The following NTN4 variants were observed in gnomAD, a reference collection of about 807,000 sequenced individuals.
NTN4 encodes netrin 4, also known as netrin-4.
In NTN4, 32 loss-of-function variants were observed where a neutral mutation model predicts 73.6. That is an observed-to-expected ratio of 0.44 (90% CI 0.33 to 0.58). NTN4 has a LOEUF of 0.58. NTN4 is among the 20% of genes least tolerant of loss of function. NTN4 has a pLI of 0.04. For synonymous variants in NTN4, 258 were observed against 287.5 expected (o/e 0.90, Z 1.04); for missense variants, 654 against 798.3 (o/e 0.82, Z 2.18).
At chr12:95,720,710 T>C (rs188886352) in intron 3 of NTN4, among the ~76,000 whole-genome samples, 67 of 152,230 alleles carry the variant, frequency 4.4e-4, no homozygotes, top group African/African-American at 1.4e-3. Context: ...CTATAAGGGG[T>C]ATACAGGTTT....
intron 2 of NTN4, among the ~76,000 whole-genome samples, chr12:95,765,804 C>T (rs1346617359): frequency 1.3e-5 from 2 of 152,204 alleles, no homozygotes; most frequent in African/African-American, 4.8e-5. Flanking sequence ...TTATCTTAGT[C>T]TTTCTCACAT....
At chr12:95,734,069 CAAAAAAAAAA>C (rs34550049) in intron 3 of NTN4, among the ~76,000 whole-genome samples, 34 of 94,244 alleles carry the variant, frequency 3.6e-4, no homozygotes, top group African/African-American at 9.6e-4. Flanking sequence ...GACTCCATTT[CAAAAAAAAAA>C]AAAAAAAAAA....
At chr12:95,745,391 C>T (rs1280187232) in intron 2 of NTN4, among the ~76,000 whole-genome samples, 5 of 151,976 alleles carry the variant, frequency 3.3e-5, no homozygotes, top group East Asian at 1.9e-4. Flanking sequence ...TCTATTGCTA[C>T]GTATTAAACG....
intron 3 of NTN4, among the ~76,000 whole-genome samples, chr12:95,721,474 TA>T (rs1469209309): frequency 6.6e-6 from 1 of 152,204 alleles, no homozygotes; most frequent in East Asian, 1.9e-4. Context: ...TGATGCCTTC[TA>T]GGGGAATTTC....
intron 2 of NTN4, among the ~76,000 whole-genome samples, chr12:95,739,084 A>G (rs1380868976): frequency 6.6e-6 from 1 of 152,222 alleles, no homozygotes; most frequent in African/African-American, 2.4e-5. Flanking sequence ...GTCCAGACCA[A>G]AAACTTCATG....
chr12:95,785,546 T>C (rs1299364126), intron 2 of NTN4, among the ~76,000 whole-genome samples: 2 of 152,220 alleles, frequency 1.3e-5, no homozygotes, highest in Non-Finnish European at 2.9e-5. Flanking sequence ...CTATTCTTGC[T>C]GGTCTCTTCA....
At chr12:95,782,904 C>T (rs1379296850) in intron 2 of NTN4, among the ~76,000 whole-genome samples, 3 of 152,170 alleles carry the variant, frequency 2.0e-5, no homozygotes, top group East Asian at 1.9e-4. Context: ...CAGTGATCAT[C>T]GCAATTCCAG....
chr12:95,704,281 CTTG>C (rs1262793695), intron 5 of NTN4, among the ~76,000 whole-genome samples: 4 of 152,080 alleles, frequency 2.6e-5, no homozygotes, highest in African/African-American at 7.2e-5. Context: ...TAACATTGTA[CTTG>C]TTGTTGATGG....
intron 4 of NTN4, among the ~76,000 whole-genome samples, chr12:95,711,485 T>C (rs1448017257): frequency 6.6e-6 from 1 of 152,216 alleles, no homozygotes; most frequent in South Asian, 2.1e-4. Flanking sequence ...AGCATTCATA[T>C]TGCAGATGTA....
intron 2 of NTN4, among the ~76,000 whole-genome samples, chr12:95,782,829 G>C (rs1034006192): frequency 6.6e-6 from 1 of 152,166 alleles, no homozygotes; most frequent in African/African-American, 2.4e-5. Context: ...CCCTTCTAAG[G>C]AGACAGTAAC....
At chr12:95,668,147 T>TG (rs896719225) in intron 8 of NTN4, among the ~76,000 whole-genome samples, 37 of 151,968 alleles carry the variant, frequency 2.4e-4, no homozygotes, top group African/African-American at 7.7e-4. Flanking sequence ...TCAAGTGTTT[T>TG]TTTTTTTTTT....
At chr12:95,674,290 T>C (rs570023687) in intron 7 of NTN4, among the ~76,000 whole-genome samples, 37 of 152,360 alleles carry the variant, frequency 2.4e-4, no homozygotes, top group African/African-American at 8.9e-4. Flanking sequence ...TGGCATATAC[T>C]GTTCCTCAAC....
intron 5 of NTN4, among the ~76,000 whole-genome samples, chr12:95,689,450 T>G (rs1370934217): frequency 6.6e-6 from 1 of 152,212 alleles, no homozygotes; most frequent in East Asian, 1.9e-4. Context: ...CTTTATTAAT[T>G]TCAACAGTGA....
At chr12:95,686,091 C>T (rs1359084864) in intron 5 of NTN4, among the ~76,000 whole-genome samples, 1 of 151,976 alleles carries the variant, frequency 6.6e-6, no homozygotes, top group Non-Finnish European at 1.5e-5. Context: ...CAGGGTATCA[C>T]TATGTTGCTC....
intron 8 of NTN4, among the ~76,000 whole-genome samples, chr12:95,668,711 TG>T (rs2078202299): frequency 6.6e-6 from 1 of 152,204 alleles, no homozygotes; most frequent in Admixed American, 6.5e-5. Context: ...AGTCTCAGGC[TG>T]GGTGTGGTGG....
chr12:95,702,856 T>TTG (rs377055973), intron 5 of NTN4, among the ~76,000 whole-genome samples: 1 of 76,988 alleles, frequency 1.3e-5, no homozygotes, highest in East Asian at 3.0e-4. Flanking sequence ...TTTTTTTTTT[T>TTG]GGTTTTTTTT....
rs767290482 is a variant in NTN4, at chr12:95,675,950, AG to A, written c.1511-5805del. On this transcript the variant is annotated intron_variant, in intron 7 of 9. Transcript: ENST00000343702. ...TGGCCACTTGATGACATTCTTAAAA[AG>A]GGCTCTGCATTTCATCCAGCATCTA... is the stretch of plus-strand genomic sequence containing the variant. 9.8e-5 allele frequency among the ~76,000 whole-genome samples: 15 copies of A among 152,358 alleles called. No homozygotes were observed. The East Asian group carries it at 2.7e-3, about 27-fold the overall frequency.
At chr12:95,672,199 G>A (rs1379545774) in intron 7 of NTN4, 1 of 557,284 alleles carries the variant, frequency 1.8e-6, no homozygotes, top group African/African-American at 2.0e-5. Flanking sequence ...CGCAATGGTC[G>A]GGTTGCGGGG....
At chr12:95,777,014 C>A (rs1166025482) in intron 2 of NTN4, among the ~76,000 whole-genome samples, 1 of 152,098 alleles carries the variant, frequency 6.6e-6, no homozygotes, top group Non-Finnish European at 1.5e-5. Flanking sequence ...ATTCAACATT[C>A]TTAAAGAAAA....
Sources: gnomAD v4.1 joint callset for allele counts (sites outside exome capture counted in the v4.1 genomes callset) on GRCh38, gnomAD v4.1.1 for gene constraint, MANE v1.5 for transcripts, NCBI Gene and HGNC (gene_info 2026-07-23, HGNC 2026-07-21) for gene names.